BAZ2B: variants seen among roughly 807,000 people sequenced by gnomAD.
The protein encoded by BAZ2B is bromodomain adjacent to zinc finger domain protein 2B.
In BAZ2B, 91 loss-of-function variants were observed where a neutral mutation model predicts 246.0. That is an observed-to-expected ratio of 0.37 (90% CI 0.31 to 0.44). BAZ2B has a LOEUF of 0.44. Among genes scored for constraint, BAZ2B ranks in the 20% least tolerant of loss-of-function variants. The pLI is 1.00. For synonymous variants in BAZ2B, 855 were observed against 860.0 expected, an observed-to-expected ratio of 0.99 and a Z score of 0.10; for missense variants, 2,332 against 2,533.7, an observed-to-expected ratio of 0.92 and a Z score of 1.71.
intron 2 of BAZ2B, among the ~76,000 whole-genome samples, chr2:159,480,972 G>A (rs2079159961): frequency 2.0e-5 from 3 of 151,876 alleles, no homozygotes; most frequent in Non-Finnish European, 4.4e-5. Flanking sequence ...CTCTCATACT[G>A]GTCTTAAGTA....
At chr2:159,648,882 A>T in the BAZ2B span, among the ~76,000 whole-genome samples, 218 of 152,282 alleles carry the variant, frequency 1.4e-3, no homozygotes, top group African/African-American at 5.0e-3. Context: ...CAATTTTTTT[A>T]AAAAACTGCC....
At chr2:159,588,532 C>T (rs1261916793) in intron 1 of BAZ2B, among the ~76,000 whole-genome samples, 1 of 152,076 alleles carries the variant, frequency 6.6e-6, no homozygotes, top group African/African-American at 2.4e-5. Context: ...CACACACACC[C>T]CTCTTAAATA....
intron 26 of BAZ2B, among the ~76,000 whole-genome samples, chr2:159,373,673 A>T (rs2061092637): frequency 6.6e-6 from 1 of 152,200 alleles, no homozygotes; most frequent in African/African-American, 2.4e-5. Context: ...TCTACAAAAA[A>T]TATGAAAAAT....
At chr2:159,573,616 A>G (rs4665083) in intron 1 of BAZ2B, among the ~76,000 whole-genome samples, 56,109 of 152,062 alleles carry the variant, frequency 0.37, 10,473 homozygotes, top group South Asian at 0.46. Context: ...ATGTTTACTT[A>G]GATATGGCAT....
intron 20 of BAZ2B, among the ~76,000 whole-genome samples, chr2:159,393,126 AAT>A (rs2063547437): frequency 6.6e-6 from 1 of 152,132 alleles, no homozygotes; most frequent in African/African-American, 2.4e-5. Flanking sequence ...AAATGATCAG[AAT>A]ATAGTGCATA....
intron 2 of BAZ2B, among the ~76,000 whole-genome samples, chr2:159,480,577 C>T (rs566754735): frequency 3.3e-5 from 5 of 152,086 alleles, no homozygotes; most frequent in Non-Finnish European, 7.4e-5. Flanking sequence ...AATATGTGTG[C>T]GCGTGCACAC....
At chr2:159,509,735 TATAC>T (rs1383281725) in intron 2 of BAZ2B, among the ~76,000 whole-genome samples, 3 of 152,158 alleles carry the variant, frequency 2.0e-5, no homozygotes, top group African/African-American at 4.8e-5. Context: ...ACAAATGTGA[TATAC>T]ATATATACAT....
chr2:159,325,043 T>TTA (rs1491244998), intron 35 of BAZ2B, 89 bp from the exon 36 acceptor site: 8 of 5,188 alleles, frequency 1.5e-3, no homozygotes, highest in Admixed American at 0.01. Context: ...TATATATATA[T>TTA]TATATATATA....
At chr2:159,644,210 A>G in the BAZ2B span, among the ~76,000 whole-genome samples, 2 of 152,220 alleles carry the variant, frequency 1.3e-5, no homozygotes, top group African/African-American at 4.8e-5. Context: ...CAGACAAGCT[A>G]TATGCTTCAA....
intron 27 of BAZ2B, 81 bp from the exon 28 acceptor site, chr2:159,350,438 A>C: frequency 7.8e-7 from 1 of 1,275,032 alleles, no homozygotes; most frequent in Non-Finnish European, 1.0e-6. Flanking sequence ...ACTCTTTATC[A>C]AATTATATGC....
intron 1 of BAZ2B, among the ~76,000 whole-genome samples, chr2:159,597,342 T>C (rs933190791): frequency 6.6e-6 from 1 of 152,224 alleles, no homozygotes; most frequent in Non-Finnish European, 1.5e-5. Context: ...AGAATACTAG[T>C]TAATTCCTTC....
chr2:159,393,830 C>T (rs74623204), intron 20 of BAZ2B, among the ~76,000 whole-genome samples: 1 of 152,098 alleles, frequency 6.6e-6, no homozygotes. Flanking sequence ...GTGGCTACCA[C>T]CCTCCACTCA....
chr2:159,665,178 AC>A, the BAZ2B span, among the ~76,000 whole-genome samples: 1 of 99,520 alleles, frequency 1.0e-5, no homozygotes, highest in African/African-American at 4.2e-5. Context: ...AGAACTACAA[AC>A]CACTGCTCAA....
the BAZ2B span, among the ~76,000 whole-genome samples, chr2:159,623,275 TAAG>T: frequency 7.9e-5 from 12 of 151,670 alleles, no homozygotes; most frequent in Non-Finnish European, 1.2e-4. Flanking sequence ...GAGGTTAACA[TAAG>T]AAGATCACTT....
At chr2:159,427,902 T>C in intron 13 of BAZ2B, 39 bp downstream of exon 13, 1 of 1,523,996 alleles carries the variant, frequency 6.6e-7, no homozygotes, top group Non-Finnish European at 9.1e-7. Flanking sequence ...ATGGTACTAC[T>C]TTTTGGTTCA....
intron 16 of BAZ2B, among the ~76,000 whole-genome samples, chr2:159,401,659 CGTT>C (rs2065088702): frequency 6.6e-6 from 1 of 151,868 alleles, no homozygotes. Context: ...TTGGGGTACA[CGTT>C]GTCTAAATTT....
chr2:159,701,972 C>T, the BAZ2B span, among the ~76,000 whole-genome samples: 1 of 152,090 alleles, frequency 6.6e-6, no homozygotes, highest in African/African-American at 2.4e-5. Context: ...CAGGTGATTG[C>T]CCGTCTCAGC....
the BAZ2B span, among the ~76,000 whole-genome samples, chr2:159,631,968 C>G: frequency 2.0e-5 from 3 of 152,130 alleles, no homozygotes; most frequent in African/African-American, 7.2e-5. Flanking sequence ...TTAAAGATCT[C>G]ATTGTCCTTT....
At position 159,347,602 on chromosome 2, in the gene BAZ2B, G is replaced by A; in HGVS notation, c.5338C>T (p.Arg1780Ter). Residue 1780 changes from arginine to a stop codon, truncating the protein, a stop_gained, in exon 31 of 37, where the codon CGA becomes TGA. Transcript: ENST00000392783. LOFTEE classifies it high-confidence loss of function. ...ACTGACCAGTTCTCCACAATATCTC[G>A]AGTTACTTGGTTTTCTTCATTTTCA... ...LNENEENQVT[R>*]DIVENWSVEE... is the part of the protein sequence containing the mutation. 6.2e-7 allele frequency: 1 copy of A among 1,612,200 alleles called. No homozygotes were observed. The highest frequency in any genetic ancestry group is 8.5e-7 in the Non-Finnish European group (1 of 1,178,788).
Sources: gnomAD v4.1 joint callset for allele counts (sites outside exome capture counted in the v4.1 genomes callset) on GRCh38, gnomAD v4.1.1 for gene constraint, MANE v1.5 for transcripts, NCBI Gene and HGNC (gene_info 2026-07-23, HGNC 2026-07-21) for gene names.